Variants in OTUD7A observed in about 807,000 individuals in gnomAD.
OTUD7A encodes OTU domain-containing protein 7A.
A neutral mutation model predicts 65.7 loss-of-function variants in OTUD7A; 12 were observed. The ratio of observed to expected loss-of-function variants is 0.18; its 90% CI spans 0.12 to 0.30. The LOEUF (loss-of-function observed/expected upper bound fraction) is 0.30, where lower values mean the gene tolerates loss of function less well. Ranked by LOEUF, OTUD7A falls within the 10% of genes least tolerant of loss-of-function variation. OTUD7A has a pLI of 1.00. For synonymous variants in OTUD7A, 641 were observed against 586.3 expected, an observed-to-expected ratio of 1.09 and a Z score of -1.35; for missense variants, 1,148 against 1,304.8, an observed-to-expected ratio of 0.88 and a Z score of 1.85.
intron 1 of OTUD7A, among the ~76,000 whole-genome samples, chr15:31,784,366 C>T (rs1369068663): frequency 6.6e-6 from 1 of 152,128 alleles, no homozygotes; most frequent in Non-Finnish European, 1.5e-5. Flanking sequence ...CAACACACCC[C>T]AATACATGGA....
At chr15:31,626,883 G>T (rs541129532) in intron 3 of OTUD7A, among the ~76,000 whole-genome samples, 22 of 146,342 alleles carry the variant, frequency 1.5e-4, no homozygotes, top group African/African-American at 5.3e-4. Flanking sequence ...GCCTATATTT[G>T]TTTTTTTTTT....
At chr15:31,772,141 A>G (rs1338071270) in intron 1 of OTUD7A, among the ~76,000 whole-genome samples, 2 of 135,268 alleles carry the variant, frequency 1.5e-5, no homozygotes, top group Non-Finnish European at 3.3e-5. Flanking sequence ...AGTCCCAGCT[A>G]CTTGGGAGGC....
intron 1 of OTUD7A, chr15:31,766,042 C>G: frequency 6.4e-7 from 1 of 1,554,778 alleles, no homozygotes; most frequent in Non-Finnish European, 8.9e-7. Context: ...GGCAAAGGAG[C>G]AAATAGTCCA....
intron 1 of OTUD7A, among the ~76,000 whole-genome samples, chr15:31,835,486 C>T (rs1227472979): frequency 6.6e-6 from 1 of 152,194 alleles, no homozygotes; most frequent in Non-Finnish European, 1.5e-5. Flanking sequence ...CAAATCCCCA[C>T]TGATTTTTCA....
intron 1 of OTUD7A, among the ~76,000 whole-genome samples, chr15:31,851,031 T>A (rs895114871): frequency 2.0e-5 from 3 of 152,122 alleles, no homozygotes; most frequent in Admixed American, 6.5e-5. Flanking sequence ...ACCAAAATAA[T>A]GCTTTAAAGG....
chr15:31,843,788 T>C (rs1222336925), intron 1 of OTUD7A, among the ~76,000 whole-genome samples: 2 of 152,234 alleles, frequency 1.3e-5, no homozygotes, highest in Non-Finnish European at 2.9e-5. Context: ...CAGGAGCATA[T>C]GTCTGTTCCC....
intron 1 of OTUD7A, among the ~76,000 whole-genome samples, chr15:31,795,908 A>G (rs1051636729): frequency 4.6e-5 from 7 of 152,176 alleles, no homozygotes; most frequent in African/African-American, 1.2e-4. Flanking sequence ...CCCTACCGGA[A>G]GCATGGTGTT....
intron 1 of OTUD7A, among the ~76,000 whole-genome samples, chr15:31,791,696 T>A (rs1000785887): frequency 2.0e-5 from 3 of 152,184 alleles, no homozygotes; most frequent in African/African-American, 7.2e-5. Flanking sequence ...GTGTATTTTA[T>A]ATTAATTAGC....
At chr15:31,835,367 GTAT>G (rs1897028826) in intron 1 of OTUD7A, among the ~76,000 whole-genome samples, 1 of 152,116 alleles carries the variant, frequency 6.6e-6, no homozygotes, top group Non-Finnish European at 1.5e-5. Flanking sequence ...TAGGCATCCC[GTAT>G]TATTATCATC....
intron 1 of OTUD7A, among the ~76,000 whole-genome samples, chr15:31,728,452 A>C (rs909051466): frequency 1.3e-5 from 2 of 152,166 alleles, no homozygotes; most frequent in Non-Finnish European, 1.5e-5. Context: ...CTTCACCTTA[A>C]TTCTACAGTT....
In OTUD7A at chr15:31,484,401, C is replaced by G. The variant is rs200619668; in HGVS notation, c.1695G>C (p.Glu565Asp). 1.9e-5 allele frequency: 30 copies of G among 1,601,434 alleles called. No individual in the cohort carries two copies. Among genetic ancestry groups the G allele is most frequent in the Non-Finnish European group, 2.5e-5 (29 of 1,179,798 alleles). ...SANGKNGDSA[E>D]RGKEKKAKSR... ...ACTTGGCCTTCTTCTCCTTGCCCCG[C>G]TCGGCCGAGTCCCCGTTCTTGCCAT... is the stretch of plus-strand genomic sequence containing the variant. Residue 565 changes from glutamate to aspartate, a missense_variant, in exon 13 of 13, where the codon GAG becomes GAC. Around this residue, in one of 6 missense-constraint regions of OTUD7A, gnomAD observed 842 missense variants for 769.5 expected, o/e 1.09. Transcript: ENST00000307050. This position sits in a 1 kb window ranked among gnomAD's most constrained non-coding sequence, Gnocchi z 4.5.
intron 10 of OTUD7A, among the ~76,000 whole-genome samples, chr15:31,495,458 A>G (rs2041369779): frequency 1.3e-5 from 2 of 152,186 alleles, no homozygotes; most frequent in Admixed American, 1.3e-4. Flanking sequence ...CAAAGATGAC[A>G]GACTTGAGAA....
rs142216332 is a variant in OTUD7A at position 31,542,539 on chromosome 15, C to T, written c.551-11731G>A. On this transcript the variant is annotated intron_variant, in intron 5 of 12. Transcript: ENST00000307050. ...ATAAGAATAGACTGAAAAGATCTAACATTGTCCAATCAAAATTCAGAAAGG... is the reference window on the plus strand; with the variant it reads ...ATAAGAATAGACTGAAAAGATCTAATATTGTCCAATCAAAATTCAGAAAGG... Among the ~76,000 whole-genome samples, 577 of 152,060 alleles carry T rather than the reference C, an allele frequency of 3.8e-3. 2 individuals are homozygous for T. The highest frequency in any genetic ancestry group is 0.013 in the Admixed American group (202 of 15,274).
intron 1 of OTUD7A, among the ~76,000 whole-genome samples, chr15:31,789,434 C>A (rs1595769816): frequency 6.6e-6 from 1 of 152,268 alleles, no homozygotes; most frequent in East Asian, 1.9e-4. Context: ...AAAATTGAAG[C>A]CAGATGATTT....
At chr15:31,792,036 C>A (rs1412867963) in intron 1 of OTUD7A, among the ~76,000 whole-genome samples, 1 of 152,144 alleles carries the variant, frequency 6.6e-6, no homozygotes, top group Non-Finnish European at 1.5e-5. Context: ...CTTCCTACCA[C>A]CACTCCCTCT....
intron 3 of OTUD7A, among the ~76,000 whole-genome samples, chr15:31,597,717 CA>C (rs1371382532): frequency 1.3e-5 from 2 of 152,280 alleles, no homozygotes; most frequent in East Asian, 3.9e-4. Context: ...AGTACAACCC[CA>C]ATCAGCTTCC....
At chr15:31,716,897 G>A (rs945848038) in intron 1 of OTUD7A, among the ~76,000 whole-genome samples, 3 of 152,170 alleles carry the variant, frequency 2.0e-5, no homozygotes, top group East Asian at 1.9e-4. Context: ...CATCCTGCTC[G>A]ATAATGTGGC....
intron 10 of OTUD7A, among the ~76,000 whole-genome samples, chr15:31,493,811 A>AATGC (rs1391684483): frequency 1.4e-4 from 22 of 152,084 alleles, no homozygotes; most frequent in Non-Finnish European, 2.4e-4. Context: ...ACGGAATGAA[A>AATGC]ATGCAAATAT....
rs1158230552 is a variant in OTUD7A, at chr15:31,566,270, A to G, written c.331+3748T>C. Among the ~76,000 whole-genome samples, 3 of 152,322 alleles carry G rather than the reference A, an allele frequency of 2.0e-5. No homozygotes were observed. In the East Asian group the frequency reaches 5.8e-4, roughly 29 times the overall value. ...CCTTCCAAAGTGAGAGAGAAAGCTCATCAGCCATGAGAACAAGATAATGTA... is the reference window on the plus strand; with the variant it reads ...CCTTCCAAAGTGAGAGAGAAAGCTCGTCAGCCATGAGAACAAGATAATGTA... On this transcript the variant is annotated intron_variant, in intron 4 of 12. Coordinates refer to ENST00000307050, the MANE Select transcript of OTUD7A (RefSeq NM_001382637.1).
Sources: gnomAD v4.1 joint callset for allele counts (sites outside exome capture counted in the v4.1 genomes callset) on GRCh38, gnomAD v4.1.1 for gene constraint, gnomAD v4.1.1 regional missense constraint, Gnocchi (gnomAD v3.1) non-coding constraint, MANE v1.5 for transcripts, NCBI Gene and HGNC (gene_info 2026-07-23, HGNC 2026-07-21) for gene names.